CDH17: variants seen among roughly 807,000 people sequenced by gnomAD.
CDH17 encodes the protein cadherin-17.
Under a neutral mutation model 86.3 loss-of-function variants are expected in CDH17, and 67 were observed. The ratio of observed to expected loss-of-function variants is 0.78; its 90% CI spans 0.64 to 0.95. The LOEUF is 0.95. CDH17 is among the 40% of genes least tolerant of loss of function. CDH17 has a pLI of 0.00. For synonymous variants in CDH17, 367 were observed against 366.4 expected (o/e 1.00, Z -0.02); for missense variants, 993 against 1,017.6 (o/e 0.98, Z 0.33).
At chr8:94,164,885 T>C (rs1418356672) in intron 10 of CDH17, among the ~76,000 whole-genome samples, 3 of 152,162 alleles carry the variant, frequency 2.0e-5, no homozygotes, top group Non-Finnish European at 4.4e-5. Context: ...ATAGTTTTTA[T>C]CAGATTCTCA....
chr8:94,203,901 A>G (rs373102004), intron 1 of CDH17, among the ~76,000 whole-genome samples: 1 of 152,180 alleles, frequency 6.6e-6, no homozygotes, highest in Admixed American at 6.5e-5. Context: ...TTCTGTCACT[A>G]AACTCTGTAA....
chr8:94,197,620 C>T (rs1345292592), intron 1 of CDH17, among the ~76,000 whole-genome samples: 9 of 152,000 alleles, frequency 5.9e-5, no homozygotes, highest in Non-Finnish European at 4.4e-5. Context: ...ATCACAAGGT[C>T]AGCAGTTCGA....
rs900097047 is a variant in CDH17 at position 94,130,613 on chromosome 8, A to T, written c.2398+13T>A. ...CCAGGATAAGACTCTTTGAATTAAG[A>T]AATTACACTCACCAATCACCAGAAG... On this transcript the variant is annotated intron_variant, in intron 17 of 17. Transcript: ENST00000027335. The T allele has an allele frequency of 3.9e-6, 6 of 1,552,874 alleles. No homozygotes were observed. The highest frequency in any genetic ancestry group is 1.7e-4 in the Middle Eastern group (1 of 5,914).
chr8:94,178,025 A>AGATTTCATAGCATACAAT (rs1468598262), intron 3 of CDH17, among the ~76,000 whole-genome samples: 2 of 152,224 alleles, frequency 1.3e-5, no homozygotes, highest in Non-Finnish European at 2.9e-5. Context: ...TGACATTACT[A>AGATTTCATAGCATACAAT]GCTTCTAAGA....
intron 9 of CDH17, among the ~76,000 whole-genome samples, chr8:94,169,290 G>A (rs187830146): frequency 8.5e-5 from 13 of 152,260 alleles, no homozygotes; most frequent in African/African-American, 3.1e-4. Flanking sequence ...AGTCCTTCAA[G>A]CTGGCATTAA....
At chr8:94,145,876 C>T in intron 15 of CDH17, 52 bp downstream of exon 15, 2 of 1,566,698 alleles carry the variant, frequency 1.3e-6, no homozygotes, top group Non-Finnish European at 8.7e-7. Context: ...TTAAATAAAA[C>T]CTACTTTCAT....
At chr8:94,174,948 C>G (rs553054544) in intron 5 of CDH17, among the ~76,000 whole-genome samples, 2 of 151,906 alleles carry the variant, frequency 1.3e-5, no homozygotes, top group African/African-American at 4.8e-5. Context: ...TTTAAAATTT[C>G]TAATATAGTA....
chr8:94,191,680 C>T (rs1418186476), intron 2 of CDH17, among the ~76,000 whole-genome samples: 1 of 152,092 alleles, frequency 6.6e-6, no homozygotes, highest in East Asian at 1.9e-4. Flanking sequence ...TCTCGAACTC[C>T]TGACCTCAGG....
At chr8:94,214,140 T>C (rs905509831) in intron 1 of CDH17, among the ~76,000 whole-genome samples, 4 of 152,082 alleles carry the variant, frequency 2.6e-5, no homozygotes, top group African/African-American at 9.7e-5. Context: ...GTTTTAATTC[T>C]CCAAAACATA....
intron 7 of CDH17, among the ~76,000 whole-genome samples, chr8:94,172,072 G>T (rs1016742416): frequency 2.1e-5 from 3 of 144,438 alleles, no homozygotes; most frequent in Admixed American, 1.4e-4. Context: ...CTCCTTTTGG[G>T]TTTCAGAACA....
chr8:94,155,673 G>A (rs1012927189), intron 12 of CDH17, among the ~76,000 whole-genome samples: 3 of 152,158 alleles, frequency 2.0e-5, no homozygotes, highest in African/African-American at 4.8e-5. Flanking sequence ...AAGACTGTAC[G>A]GCGAGCTGAG....
intron 10 of CDH17, among the ~76,000 whole-genome samples, chr8:94,165,547 G>A (rs1813135140): frequency 6.6e-6 from 1 of 152,122 alleles, no homozygotes; most frequent in Admixed American, 6.6e-5. Flanking sequence ...GCTTCCCATA[G>A]GACCCAGACC....
In CDH17 at chr8:94,189,279, C is replaced by A. The variant is rs1410667586; in HGVS notation, c.58G>T (p.Gly20Ter). ...CTAAACTTCCCCTCTTGGCCATATC[C>A]AGTTGCCTGTTAAAAAAGAAAGAGA... ...LCLLMLYLAT[G>*]YGQEGKFSGP... The change falls in exon 3 of 18, where the codon GGA becomes TGA. Residue 20 changes from glycine to a stop codon, truncating the protein, a stop_gained. Transcript: ENST00000027335. LOFTEE classifies it high-confidence loss of function. The A allele has an allele frequency of 6.2e-7, 1 of 1,600,308 alleles. No individual in the cohort carries two copies. Among genetic ancestry groups the A allele is most frequent in the East Asian group, 2.2e-5 (1 of 44,800 alleles).
At chr8:94,178,664 A>G (rs1272874425) in intron 3 of CDH17, among the ~76,000 whole-genome samples, 1 of 152,200 alleles carries the variant, frequency 6.6e-6, no homozygotes, top group Non-Finnish European at 1.5e-5. Flanking sequence ...AAGAAACATA[A>G]GAAACAATGA....
intron 17 of CDH17, among the ~76,000 whole-genome samples, chr8:94,129,848 C>T (rs143432471): frequency 2.0e-4 from 30 of 152,226 alleles, no homozygotes; most frequent in Non-Finnish European, 3.7e-4. Flanking sequence ...GTATGAAATA[C>T]CTTCAGACTA....
chr8:94,144,986 A>G (rs1812712352), intron 15 of CDH17, among the ~76,000 whole-genome samples: 2 of 152,224 alleles, frequency 1.3e-5, no homozygotes, highest in South Asian at 4.1e-4. Context: ...AATGGCTAAA[A>G]TTAAAGAGGC....
At chr8:94,207,733 G>C (rs941026160) in intron 1 of CDH17, among the ~76,000 whole-genome samples, 1 of 152,136 alleles carries the variant, frequency 6.6e-6, no homozygotes, top group Non-Finnish European at 1.5e-5. Flanking sequence ...GAGGGCATCT[G>C]TCCCTATAAA....
upstream of CDH17, among the ~76,000 whole-genome samples, chr8:94,212,620 C>A (rs80185910): frequency 7.4e-5 from 7 of 95,132 alleles, no homozygotes; most frequent in African/African-American, 2.2e-4. Flanking sequence ...ATACATAATG[C>A]TGTTTAAAAA....
chr8:94,210,226 TAA>T (rs71567010), upstream of CDH17, among the ~76,000 whole-genome samples: 3,127 of 53,218 alleles, frequency 0.059, 126 homozygotes, highest in African/African-American at 0.18. Context: ...TTTATGCGAG[TAA>T]AAAAAAAAAA....
Sources: gnomAD v4.1 joint callset for allele counts (sites outside exome capture counted in the v4.1 genomes callset) on GRCh38, gnomAD v4.1.1 for gene constraint, MANE v1.5 for transcripts, NCBI Gene and HGNC (gene_info 2026-07-23, HGNC 2026-07-21) for gene names.